The following PRKCE variants were observed in gnomAD, a reference collection of about 807,000 sequenced individuals.
The protein encoded by PRKCE is protein kinase C epsilon type.
In PRKCE, 16 loss-of-function variants were observed where a neutral mutation model predicts 85.4. The observed-to-expected ratio is 0.19, with a 90% CI of 0.13 to 0.28. The LOEUF (loss-of-function observed/expected upper bound fraction) is 0.28, where lower values mean the gene tolerates loss of function less well. Among genes scored for constraint, PRKCE ranks in the 10% least tolerant of loss-of-function variants. The pLI is 1.00. For synonymous variants in PRKCE, 388 were observed against 371.5 expected, an observed-to-expected ratio of 1.04 and a Z score of -0.51; for missense variants, 573 against 975.2, an observed-to-expected ratio of 0.59 and a Z score of 5.49.
chr2:45,762,603 G>T (rs532452549), intron 1 of PRKCE, among the ~76,000 whole-genome samples: 1 of 152,332 alleles, frequency 6.6e-6, no homozygotes, highest in Admixed American at 6.5e-5. Context: ...AGGCAAGGAA[G>T]ATGTTATCTA....
chr2:45,988,083 C>A (rs945702004), intron 6 of PRKCE, among the ~76,000 whole-genome samples: 2 of 152,206 alleles, frequency 1.3e-5, no homozygotes, highest in Admixed American at 6.5e-5. Context: ...CCCTATGCCA[C>A]CCTTTGCTGC....
chr2:45,821,273 T>G lies in PRKCE; in HGVS notation c.349-21727T>G, dbSNP rs191083119. ...AACATTGAATATTTACAAGTGGAGG[T>G]AATTATCTCCCCTAAGTTAGAGTTT... On this transcript the variant is annotated intron_variant, in intron 1 of 14. Coordinates refer to ENST00000306156, the MANE Select transcript of PRKCE (RefSeq NM_005400.3). 3.2e-3 allele frequency among the ~76,000 whole-genome samples: 488 copies of G among 152,286 alleles called. 2 individuals carry two copies. The highest frequency in any genetic ancestry group is 0.011 in the African/African-American group (451 of 41,548).
At chr2:45,708,130 A>G (rs1208423547) in intron 1 of PRKCE, among the ~76,000 whole-genome samples, 1 of 152,154 alleles carries the variant, frequency 6.6e-6, no homozygotes, top group African/African-American at 2.4e-5. Flanking sequence ...CCTACGCATC[A>G]TAGGTTGGAC....
Position 46,185,548 on chromosome 2 carries a change from A to C in PRKCE, c.*667A>C, listed in dbSNP as rs1308258576. 1 of 152,738 alleles carries C rather than the reference A, an allele frequency of 6.5e-6. No individual in the cohort carries two copies. The highest frequency in any genetic ancestry group is 1.5e-5 in the Non-Finnish European group (1 of 68,074). The allele number at this position is 152,738 out of a possible 1,614,324, so 9.5% of individuals were successfully genotyped here. On this transcript the variant is annotated 3_prime_UTR_variant, in exon 15 of 15. Transcript: ENST00000306156. This position sits in a 1 kb window ranked among gnomAD's most constrained non-coding sequence, Gnocchi z 4.7. ...TGGAAGAAATCCTCTTTGTGGAAAA[A>C]GAAACAGGGTTTTGAACTCTGTTAA...
At chr2:45,902,496 A>G (rs954454468) in intron 2 of PRKCE, among the ~76,000 whole-genome samples, 3 of 152,208 alleles carry the variant, frequency 2.0e-5, no homozygotes, top group Non-Finnish European at 4.4e-5. Flanking sequence ...AGCAAAAGTC[A>G]AATCAGGATA....
intron 10 of PRKCE, among the ~76,000 whole-genome samples, chr2:46,048,871 C>T (rs545265115): frequency 6.6e-6 from 1 of 152,296 alleles, no homozygotes; most frequent in East Asian, 1.9e-4. Context: ...TTTCTCCTTC[C>T]CAGACAGAAT....
At chr2:46,176,864 T>C (rs746866467) in intron 14 of PRKCE, among the ~76,000 whole-genome samples, 16 of 152,198 alleles carry the variant, frequency 1.1e-4, no homozygotes, top group Non-Finnish European at 2.2e-4. Flanking sequence ...AATCAAATTT[T>C]AGGATGACAT....
At chr2:45,880,741 T>C (rs1694818001) in intron 2 of PRKCE, among the ~76,000 whole-genome samples, 1 of 152,172 alleles carries the variant, frequency 6.6e-6, no homozygotes, top group African/African-American at 2.4e-5. Flanking sequence ...ATTGGCCAGA[T>C]ACCAAAGACT....
At chr2:46,171,483 T>C (rs577890531) in intron 14 of PRKCE, among the ~76,000 whole-genome samples, 62 of 152,366 alleles carry the variant, frequency 4.1e-4, no homozygotes, top group African/African-American at 1.5e-3. Context: ...TGCAGATGGC[T>C]GCATTGATGC....
At chr2:45,865,856 C>G (rs1444932086) in intron 2 of PRKCE, among the ~76,000 whole-genome samples, 2 of 139,724 alleles carry the variant, frequency 1.4e-5, no homozygotes, top group African/African-American at 5.4e-5. Context: ...CTCACTCTGT[C>G]ATCCAGGCAG....
At position 45,790,555 on chromosome 2, in the gene PRKCE, A is replaced by C. The variant is rs139928620; in HGVS notation, c.349-52445A>C. Among the ~76,000 whole-genome samples the C allele has an allele frequency of 1.7e-3, 257 of 152,334 alleles. 2 individuals carry two copies. Among genetic ancestry groups the C allele is most frequent in the Admixed American group, 0.011 (174 of 15,296 alleles). On this transcript the variant is annotated intron_variant, in intron 1 of 14. Coordinates refer to ENST00000306156, the MANE Select transcript of PRKCE (RefSeq NM_005400.3). Reference sequence around the variant, plus strand: ...CTCTATAACATTTTTGTTCCACTGAAATACAATGAGAGGAAATGGGGCTGC... The same window carrying C: ...CTCTATAACATTTTTGTTCCACTGACATACAATGAGAGGAAATGGGGCTGC...
At chr2:45,743,992 G>GTT (rs753249039) in intron 1 of PRKCE, among the ~76,000 whole-genome samples, 2,223 of 70,324 alleles carry the variant, frequency 0.032, 54 homozygotes, top group African/African-American at 0.067. Flanking sequence ...TGGCCGTTGT[G>GTT]TGTTTTTTTT....
intron 2 of PRKCE, among the ~76,000 whole-genome samples, chr2:45,897,543 A>G (rs1257255235): frequency 2.6e-5 from 4 of 152,224 alleles, no homozygotes; most frequent in Non-Finnish European, 5.9e-5. Context: ...AACAGAATGC[A>G]ATTGAGTATC....
At chr2:45,788,210 C>T (rs577583085) in intron 1 of PRKCE, among the ~76,000 whole-genome samples, 65 of 152,258 alleles carry the variant, frequency 4.3e-4, no homozygotes, top group African/African-American at 1.4e-3. Context: ...TAGCTAAAGG[C>T]GTATTCCTTA....
At chr2:45,749,117 C>G (rs927293265) in intron 1 of PRKCE, among the ~76,000 whole-genome samples, 24 of 152,028 alleles carry the variant, frequency 1.6e-4, no homozygotes, top group African/African-American at 5.6e-4. Context: ...CTAGAACTCC[C>G]GGCTTCAAGT....
chr2:46,009,393 A>C (rs1705471789), intron 9 of PRKCE, among the ~76,000 whole-genome samples: 1 of 152,254 alleles, frequency 6.6e-6, no homozygotes, highest in African/African-American at 2.4e-5. Flanking sequence ...AGGAGACGTG[A>C]ATAATTTACA....
chr2:45,755,837 G>A (rs542430587), intron 1 of PRKCE, among the ~76,000 whole-genome samples: 10 of 152,300 alleles, frequency 6.6e-5, no homozygotes, highest in Middle Eastern at 3.4e-3. Flanking sequence ...CAAGTTCAGA[G>A]GAGGGAAAGC....
intron 2 of PRKCE, among the ~76,000 whole-genome samples, chr2:45,858,027 T>C (rs897032692): frequency 2.0e-5 from 3 of 152,202 alleles, no homozygotes; most frequent in Admixed American, 1.3e-4. Context: ...GTGGCCTGTG[T>C]GCTGTTTGAA....
At chr2:45,822,875 G>A (rs923021871) in intron 1 of PRKCE, among the ~76,000 whole-genome samples, 9 of 152,196 alleles carry the variant, frequency 5.9e-5, no homozygotes, top group African/African-American at 2.2e-4. Flanking sequence ...ACTCTCATTA[G>A]TAATTACCCT....
Sources: gnomAD v4.1 joint callset for allele counts (sites outside exome capture counted in the v4.1 genomes callset) on GRCh38, gnomAD v4.1.1 for gene constraint, Gnocchi (gnomAD v3.1) non-coding constraint, MANE v1.5 for transcripts, NCBI Gene and HGNC (gene_info 2026-07-23, HGNC 2026-07-21) for gene names.